Variants in AIFM2 observed in about 807,000 individuals in gnomAD.
The protein encoded by AIFM2 is ferroptosis suppressor protein 1.
A neutral mutation model predicts 35.7 loss-of-function variants in AIFM2; 38 were observed. The ratio of observed to expected loss-of-function variants is 1.06; its 90% CI spans 0.82 to 1.39. The LOEUF is 1.39. Among genes scored for constraint, AIFM2 ranks in the 40% most tolerant of loss-of-function variants. AIFM2 has a pLI of 0.00. For missense variants in AIFM2, 476 were observed against 491.2 expected (o/e 0.97, Z 0.29); for synonymous variants, 185 against 203.5 (o/e 0.91, Z 0.77).
rs187477937 is a variant in AIFM2, at chr10:70,128,038, G to A, written c.-13-3941C>T. On this transcript the variant is annotated intron_variant, in intron 1 of 8. Transcript: ENST00000307864. The stretch of plus-strand genomic sequence containing the variant: ...GACTCTCTTTGGCTCTGCCAGTGTC[G>A]GTTCTTGCCTGGCCCCAGAAAACAG... 2.4e-4 allele frequency among the ~76,000 whole-genome samples: 36 copies of A among 152,330 alleles called. No homozygotes were observed. The East Asian group carries it at 6.0e-3, about 25-fold the overall frequency.
At chr10:70,124,235 A>C (rs2072542266) in intron 1 of AIFM2, 138 bp from the exon 2 acceptor site, 1 of 630,578 alleles carries the variant, frequency 1.6e-6, no homozygotes, top group Non-Finnish European at 2.3e-6. Context: ...CTCCAATTTT[A>C]TAAAATTTGA....
intron 1 of AIFM2, among the ~76,000 whole-genome samples, chr10:70,130,561 C>G (rs1185406711): frequency 6.6e-6 from 1 of 152,166 alleles, no homozygotes. Flanking sequence ...TTTGTTTATC[C>G]ACTCATCAGC....
In AIFM2 at chr10:70,113,523, T is replaced by C. The variant is rs2136649274; in HGVS notation, c.*655A>G. The C allele has an allele frequency of 6.6e-6, 1 of 152,330 alleles. No individual in the cohort carries two copies. Among genetic ancestry groups the C allele is most frequent in the African/African-American group, 2.4e-5 (1 of 41,502 alleles). 9.4% of individuals were successfully genotyped at this position (152,330 alleles called of 1,614,324 possible). A position where few individuals can be genotyped will look rare whatever the true frequency, so the allele number is the denominator to read the frequency against. On this transcript the variant is annotated 3_prime_UTR_variant, in exon 9 of 9. Coordinates refer to ENST00000307864, the MANE Select transcript of AIFM2 (RefSeq NM_032797.6). ...GCCTGGGTGACAGGGCGAGACTGTCTCAAAAATAAATAAACAAACAAACAA... is the reference window on the plus strand; with the variant it reads ...GCCTGGGTGACAGGGCGAGACTGTCCCAAAAATAAATAAACAAACAAACAA...
intron 1 of AIFM2, among the ~76,000 whole-genome samples, chr10:70,132,498 GT>G (rs1424659042): frequency 6.6e-6 from 1 of 152,224 alleles, no homozygotes; most frequent in Non-Finnish European, 1.5e-5. Flanking sequence ...GGAGGGTGGA[GT>G]TTTCTTTGCC....
Position 70,122,050 on chromosome 10 carries a change from C to G in AIFM2, c.295-839G>C, listed in dbSNP as rs187262661. On this transcript the variant is annotated intron_variant, in intron 3 of 8. Coordinates refer to ENST00000307864, the MANE Select transcript of AIFM2 (RefSeq NM_032797.6). Reference sequence around the variant, plus strand: ...GAGGTTGTGGTGACCCGAGACCATGCCATTGCACTCCAGCCTGGGCAACAA... The same window carrying G: ...GAGGTTGTGGTGACCCGAGACCATGGCATTGCACTCCAGCCTGGGCAACAA... Among the ~76,000 whole-genome samples the G allele has an allele frequency of 8.2e-4, 125 of 152,154 alleles. No individual in the cohort carries two copies. The Middle Eastern group carries it at 0.017, about 21-fold the overall frequency.
intron 7 of AIFM2, among the ~76,000 whole-genome samples, chr10:70,115,731 A>C (rs1342915827): frequency 6.6e-6 from 1 of 152,232 alleles, no homozygotes; most frequent in Non-Finnish European, 1.5e-5. Flanking sequence ...ACGCCACTGC[A>C]CTCCAGCCTG....
intron 3 of AIFM2, 50 bp from the exon 4 acceptor site, chr10:70,121,261 T>C (rs1328107563): frequency 7.3e-7 from 1 of 1,368,718 alleles, no homozygotes; most frequent in Non-Finnish European, 9.4e-7. Flanking sequence ...AAGATGAGGG[T>C]AGGGCAGGGC....
chr10:70,114,655 G>T, intron 8 of AIFM2: 1 of 515,366 alleles, frequency 1.9e-6, no homozygotes, highest in Admixed American at 3.2e-5. Context: ...TGTATTTTTA[G>T]TAGAGACGGG....
chr10:70,120,726 G>C, intron 4 of AIFM2, 127 bp from the exon 5 acceptor site: 1 of 1,017,150 alleles, frequency 9.8e-7, no homozygotes, highest in South Asian at 1.3e-5. Flanking sequence ...TCCACATTTT[G>C]AGTCCAAACG....
At chr10:70,118,966 C>T (rs940076327) in intron 5 of AIFM2, among the ~76,000 whole-genome samples, 1 of 152,168 alleles carries the variant, frequency 6.6e-6, no homozygotes, top group African/African-American at 2.4e-5. Context: ...GCTTAGAAGT[C>T]TGGAACTTTC....
At chr10:70,125,379 T>C (rs1269838888) in intron 1 of AIFM2, among the ~76,000 whole-genome samples, 7 of 135,790 alleles carry the variant, frequency 5.2e-5, no homozygotes, top group Non-Finnish European at 3.0e-5. Flanking sequence ...GGAAGGAGGA[T>C]CTTTTGAGCC....
chr10:70,116,899 C>G (rs1377732016), intron 6 of AIFM2, 125 bp from the exon 7 acceptor site: 13 of 1,159,744 alleles, frequency 1.1e-5, no homozygotes, highest in Non-Finnish European at 1.5e-5. Context: ...ATGGCTGCAC[C>G]CTGTCTTCCC....
rs1028055388 is a variant in AIFM2 at position 70,113,309 on chromosome 10, G to C, written c.*869C>G. Reference sequence around the variant, plus strand: ...AGAGGCCAAGACGAATGGATCACCTGAGGTCAGGTGTTCGAGACCAGCCTG... The same window carrying C: ...AGAGGCCAAGACGAATGGATCACCTCAGGTCAGGTGTTCGAGACCAGCCTG... On this transcript the variant is annotated 3_prime_UTR_variant, in exon 9 of 9. Coordinates refer to ENST00000307864, the MANE Select transcript of AIFM2 (RefSeq NM_032797.6). 1.3e-5 allele frequency: 2 copies of C among 152,258 alleles called. No homozygotes were observed. Among genetic ancestry groups the C allele is most frequent in the Non-Finnish European group, 2.9e-5 (2 of 68,076 alleles). The allele number at this position is 152,258 out of a possible 1,614,324, so 9.4% of individuals were successfully genotyped here.
At chr10:70,125,827 G>T (rs1055511178) in intron 1 of AIFM2, among the ~76,000 whole-genome samples, 1 of 152,156 alleles carries the variant, frequency 6.6e-6, no homozygotes, top group Admixed American at 6.5e-5. Context: ...TCTTTTGGGG[G>T]TCGGGTCTTC....
In AIFM2 at chr10:70,124,013, G is replaced by A. The variant is rs764181244; in HGVS notation, c.72C>T (p.Ile24=). The A allele has an allele frequency of 2.2e-5, 35 of 1,612,320 alleles. No individual in the cohort carries two copies. Among genetic ancestry groups the A allele is most frequent in the Middle Eastern group, 1.6e-4 (1 of 6,076 alleles). The part of the protein sequence containing the change: ...VVIVGGGFGG[I]AAASQLQALN... ...GGGCCTGCAGCTGGCTGGCTGCTGC[G>A]ATCCCGCCAAAGCCCCCACCCACAA... The change falls in exon 2 of 9, where the codon ATC becomes ATT. Residue 24 remains isoleucine, a synonymous_variant. Transcript: ENST00000307864.
chr10:70,132,059 T>C (rs2072632148), intron 1 of AIFM2, among the ~76,000 whole-genome samples: 2 of 152,120 alleles, frequency 1.3e-5, no homozygotes, highest in African/African-American at 4.8e-5. Context: ...ACTCTCCTTG[T>C]AGGGAAAGGT....
intron 1 of AIFM2, among the ~76,000 whole-genome samples, chr10:70,124,696 G>A (rs1324126998): frequency 1.3e-5 from 2 of 152,124 alleles, no homozygotes; most frequent in Non-Finnish European, 2.9e-5. Flanking sequence ...GCAATAACAA[G>A]AAACAGTGGG....
At chr10:70,115,223 G>A (rs1253142651) in intron 7 of AIFM2, 103 bp from the exon 8 acceptor site, 1 of 1,279,920 alleles carries the variant, frequency 7.8e-7, no homozygotes, top group Non-Finnish European at 1.1e-6. Flanking sequence ...AATAGGTGCT[G>A]GTCAGGTCAC....
In AIFM2 at chr10:70,121,068, C is replaced by T. The variant is rs200575165; in HGVS notation, c.414+24G>A. On this transcript the variant is annotated intron_variant, in intron 4 of 8. Coordinates refer to ENST00000307864, the MANE Select transcript of AIFM2 (RefSeq NM_032797.6). The stretch of plus-strand genomic sequence containing the variant: ...TGTCCTTCCATCTGCCCACACTGCC[C>T]CATGCCTTCAGTGCACAGCTCACCT... The T allele has an allele frequency of 5.0e-5, 81 of 1,605,210 alleles. No individual in the cohort carries two copies. In the East Asian group the frequency reaches 1.5e-3, roughly 31 times the overall value.
Sources: gnomAD v4.1 joint callset for allele counts (sites outside exome capture counted in the v4.1 genomes callset) on GRCh38, gnomAD v4.1.1 for gene constraint, MANE v1.5 for transcripts, NCBI Gene and HGNC (gene_info 2026-07-23, HGNC 2026-07-21) for gene names.